Variants in CHUK observed in about 807,000 individuals in gnomAD.
CHUK encodes the protein inhibitor of nuclear factor kappa-B kinase subunit alpha.
CHUK carries 35 observed loss-of-function variants against 104.8 expected under a neutral mutation model. The observed-to-expected ratio is 0.33, with a 90% CI of 0.26 to 0.44. The LOEUF (loss-of-function observed/expected upper bound fraction) is 0.44. CHUK is among the 20% of genes least tolerant of loss of function. The pLI is 1.00. For missense variants in CHUK, 663 were observed against 902.7 expected, an observed-to-expected ratio of 0.73 and a Z score of 3.40; for synonymous variants, 276 against 291.9, an observed-to-expected ratio of 0.95 and a Z score of 0.56.
chr10:100,218,844 C>T lies in CHUK; in HGVS notation c.690-19G>A. Reference sequence around the variant, plus strand: ...CTCATGCCTATAAAATCAAAAGCTACCTCAGTTGACAAAGTGATTCTCACA... The same window carrying T: ...CTCATGCCTATAAAATCAAAAGCTATCTCAGTTGACAAAGTGATTCTCACA... On this transcript the variant is annotated intron_variant, in intron 7 of 20. Transcript: ENST00000370397. The T allele has an allele frequency of 3.2e-6, 5 of 1,581,348 alleles. No homozygotes were observed. Among genetic ancestry groups the T allele is most frequent in the Non-Finnish European group, 4.3e-6 (5 of 1,150,346 alleles).
intron 1 of CHUK, 139 bp downstream of exon 1, chr10:100,229,289 C>T (rs1019262578): frequency 1.4e-5 from 10 of 707,528 alleles, no homozygotes; most frequent in African/African-American, 1.4e-4. Flanking sequence ...CTAATACACA[C>T]ACACAAGCCC....
intron 9 of CHUK, among the ~76,000 whole-genome samples, chr10:100,210,092 T>TTTATTTATTTTA (rs1491099486): frequency 6.1e-5 from 5 of 82,004 alleles, no homozygotes; most frequent in South Asian, 6.0e-4. Context: ...TATTTATTTA[T>TTTATTTATTTTA]TTTTTTTTTT....
chr10:100,200,055 G>T lies in CHUK; in HGVS notation c.1680-35C>A, dbSNP rs544255689. The T allele has an allele frequency of 2.4e-5, 34 of 1,441,290 alleles. No homozygotes were observed. In the East Asian group the frequency reaches 7.3e-4, roughly 31 times the overall value. The allele number at this position is 1,441,290 out of a possible 1,614,324, so 89.3% of individuals were successfully genotyped here. A position where few individuals can be genotyped will look rare whatever the true frequency, so the allele number is the denominator to read the frequency against. On this transcript the variant is annotated intron_variant, in intron 15 of 20. Transcript: ENST00000370397. The stretch of plus-strand genomic sequence containing the variant: ...AGAAAACACGCTCTGATAAGTGAAG[G>T]TAATTTAATGACTTCAATAATCTAC...
chr10:100,190,576 A>C, intron 20 of CHUK: 1 of 400,574 alleles, frequency 2.5e-6, no homozygotes, highest in Admixed American at 3.9e-5. Context: ...CTGAAGCAAA[A>C]AGGTACAGAA....
At position 100,211,451 on chromosome 10, in the gene CHUK, G is replaced by A. The variant is rs374038936; in HGVS notation, c.934-1662C>T. On this transcript the variant is annotated intron_variant, in intron 9 of 20. Coordinates refer to ENST00000370397, the MANE Select transcript of CHUK (RefSeq NM_001278.5). The stretch of plus-strand genomic sequence containing the variant: ...TTTTTCTTTTGCTGCCGTAATTTTT[G>A]GACCTTTTGATAAACATCTCTACAT... 4.6e-5 allele frequency among the ~76,000 whole-genome samples: 7 copies of A among 151,570 alleles called. No individual in the cohort carries two copies. In the East Asian group the frequency reaches 9.7e-4, roughly 21 times the overall value.
chr10:100,219,304 A>G lies in CHUK; in HGVS notation c.530T>C (p.Leu177Pro). 1 of 1,606,726 alleles carries G rather than the reference A, an allele frequency of 6.2e-7. No individual in the cohort carries two copies. The highest frequency in any genetic ancestry group is 8.5e-7 in the Non-Finnish European group (1 of 1,173,282). ...CAGTGTTCCCACAAAAGATGTACAC[A>G]GACTTCCTTGATCAACATCTTTGGC... Reference protein sequence around the residue: ...GYAKDVDQGSLCTSFVGTLQY... With the variant: ...GYAKDVDQGSPCTSFVGTLQY... Residue 177 changes from leucine (L) to proline (P), a missense_variant, in exon 6 of 21, where the codon CTG (leucine) becomes CCG (proline). Physicochemically the swap from Leu to Pro is moderately conservative, Grantham distance 98. This residue lies in a region of CHUK where 200 missense variants were observed against 333.0 expected (regional missense o/e 0.60). Transcript: ENST00000370397.
rs560065769 is a variant in CHUK, at chr10:100,194,032, C to A, written c.1926G>T (p.Met642Ile). Residue 642 changes from methionine (M) to isoleucine (I), a missense_variant, in exon 18 of 21, where the codon ATG (methionine) becomes ATT (isoleucine). Coordinates refer to ENST00000370397, the MANE Select transcript of CHUK (RefSeq NM_001278.5). The part of the protein sequence containing the change: ...IKEADNTVMF[M>I]QGKRQKEIWH... ...ATATTTCTTTCTGCCTTTTTCCCTG[C>A]ATGAACATGACAGTATTGTCAGCTT... 1 of 1,613,906 alleles carries A rather than the reference C, an allele frequency of 6.2e-7. No homozygotes were observed. The highest frequency in any genetic ancestry group is 1.1e-5 in the South Asian group (1 of 91,080).
rs1234447098 is a variant in CHUK at position 100,218,569 on chromosome 10, C to A, written c.797+149G>T. 10 of 682,048 alleles carry A rather than the reference C, an allele frequency of 1.5e-5. No individual in the cohort carries two copies. The East Asian group carries it at 2.4e-4, about 17-fold the overall frequency. The allele number at this position is 682,048 out of a possible 1,614,324, so 42.2% of individuals were successfully genotyped here. ...TAGCTACATGTCAAGTAGTCAATAACCTCATGTGGCCAACAGAAATATAGA... is the reference window on the plus strand; with the variant it reads ...TAGCTACATGTCAAGTAGTCAATAAACTCATGTGGCCAACAGAAATATAGA... On this transcript the variant is annotated intron_variant, in intron 8 of 20. Transcript: ENST00000370397.
chr10:100,220,184 AG>A (rs1249553309), intron 5 of CHUK, among the ~76,000 whole-genome samples: 4 of 152,060 alleles, frequency 2.6e-5, no homozygotes, highest in Admixed American at 2.6e-4. Context: ...TTTTTCTTAA[AG>A]TGGACCCAGG....
At chr10:100,192,670 G>C in intron 19 of CHUK, 1 of 986,668 alleles carries the variant, frequency 1.0e-6, no homozygotes, top group Non-Finnish European at 1.2e-6. Context: ...AGAGCCACTG[G>C]CTTTGGATAC....
chr10:100,209,115 C>T (rs887138412), intron 10 of CHUK, among the ~76,000 whole-genome samples: 4 of 152,152 alleles, frequency 2.6e-5, no homozygotes, highest in African/African-American at 9.7e-5. Context: ...AGACTCAGAC[C>T]TCAGCTACAG....
At chr10:100,214,607 A>G (rs142532702) in intron 9 of CHUK, among the ~76,000 whole-genome samples, 1,778 of 152,330 alleles carry the variant, frequency 0.012, 47 homozygotes, top group African/African-American at 0.04. Flanking sequence ...CAGAGAATAC[A>G]ATTAATCCAG....
chr10:100,206,065 A>G (rs1845583868), intron 11 of CHUK, among the ~76,000 whole-genome samples: 1 of 152,230 alleles, frequency 6.6e-6, no homozygotes. Context: ...AAAATGTCAC[A>G]GCAAAGAGGA....
chr10:100,222,114 A>G lies in CHUK; in HGVS notation c.383T>C (p.Ile128Thr), dbSNP rs538551337. The G allele has an allele frequency of 1.1e-5, 16 of 1,490,804 alleles. No homozygotes were observed. Among genetic ancestry groups the G allele is most frequent in the South Asian group, 9.0e-5 (8 of 88,418 alleles). 92.3% of individuals were successfully genotyped at this position (1,490,804 alleles called of 1,614,324 possible). The change falls in exon 4 of 21, where the codon ATA (isoleucine) becomes ACA (threonine). Residue 128 changes from isoleucine to threonine, a missense_variant and splice_region_variant. Transcript: ENST00000370397. ...ESQILSLLSD[I>T]GSGIRYLHEN... ...GGTATTTTAATACTGATACGTACCT[A>G]TATCACTTAGTAAAGAAAGTATCTG...
chr10:100,215,512 G>A (rs7922090), intron 9 of CHUK, among the ~76,000 whole-genome samples: 30,370 of 151,826 alleles, frequency 0.2, 5,443 homozygotes, highest in African/African-American at 0.48. Flanking sequence ...ATTTAGGGGC[G>A]TGAAAGAGGA....
At chr10:100,228,978 C>G (rs1319133484) in intron 1 of CHUK, among the ~76,000 whole-genome samples, 1 of 122,346 alleles carries the variant, frequency 8.2e-6, no homozygotes, top group East Asian at 3.0e-4. Flanking sequence ...GGCCTCCAAG[C>G]GCGCGCGCGC....
intron 20 of CHUK, chr10:100,189,978 C>T (rs2134202742): frequency 4.8e-6 from 1 of 208,672 alleles, no homozygotes; most frequent in African/African-American, 2.4e-5. Context: ...TCCCTAGTAA[C>T]TCGGACTACA....
intron 16 of CHUK, chr10:100,195,671 T>G (rs905852102): frequency 3.3e-5 from 5 of 152,202 alleles, no homozygotes; most frequent in Non-Finnish European, 4.4e-5. Flanking sequence ...CCATTTCAGA[T>G]GAACAAGAGA....
chr10:100,207,145 A>G (rs1279079740), intron 11 of CHUK, 85 bp downstream of exon 11: 2 of 765,644 alleles, frequency 2.6e-6, no homozygotes, highest in African/African-American at 1.7e-5. Flanking sequence ...CACAACACCA[A>G]AAGTCCATTT....
Sources: allele counts gnomAD v4.1 joint callset (sites outside exome capture counted in the v4.1 genomes callset), GRCh38; gene constraint gnomAD v4.1.1; regional missense constraint gnomAD v4.1.1; transcripts MANE v1.5; gene names NCBI Gene and HGNC (gene_info 2026-07-23, HGNC 2026-07-21).